PTPN14: variants seen among roughly 807,000 people sequenced by gnomAD.
PTPN14 encodes tyrosine-protein phosphatase non-receptor type 14.
In PTPN14, 53 loss-of-function variants were observed where a neutral mutation model predicts 126.8. The observed-to-expected ratio is 0.42, with a 90% CI of 0.34 to 0.53. The LOEUF (loss-of-function observed/expected upper bound fraction) is 0.53, where lower values mean the gene tolerates loss of function less well. PTPN14 is among the 20% of genes least tolerant of loss of function. PTPN14 has a pLI of 0.08. For missense variants in PTPN14, 1,257 were observed against 1,552.9 expected (o/e 0.81, Z 3.20); for synonymous variants, 630 against 599.3 (o/e 1.05, Z -0.75).
At chr1:214,393,600 A>C (rs1159596952) in intron 10 of PTPN14, 95 bp downstream of exon 10, 3 of 1,007,834 alleles carry the variant, frequency 3.0e-6, no homozygotes, top group Non-Finnish European at 4.5e-6. Flanking sequence ...ACAAGGAAAA[A>C]GAGTGAATAG....
At chr1:214,418,932 T>G (rs189102456) in intron 3 of PTPN14, among the ~76,000 whole-genome samples, 1 of 152,332 alleles carries the variant, frequency 6.6e-6, no homozygotes, top group Admixed American at 6.5e-5. Flanking sequence ...GACCAGAGTT[T>G]CTGATTGTAG....
chr1:214,391,092 A>G (rs1205694282), intron 10 of PTPN14, 47 bp from the exon 11 acceptor site: 1 of 1,417,334 alleles, frequency 7.1e-7, no homozygotes, highest in Admixed American at 1.9e-5. Flanking sequence ...TTATTGATAT[A>G]AAAAGACCAG....
chr1:214,433,951 CAAAAAAAAAAAA>C (rs1158472144), intron 3 of PTPN14, among the ~76,000 whole-genome samples: 3 of 98,528 alleles, frequency 3.0e-5, no homozygotes, highest in South Asian at 3.0e-4. Context: ...CACACACACA[CAAAAAAAAAAAA>C]AAAAAAAAAC....
At chr1:214,366,689 T>C (rs1658087450) in intron 17 of PTPN14, among the ~76,000 whole-genome samples, 1 of 152,182 alleles carries the variant, frequency 6.6e-6, no homozygotes, top group Non-Finnish European at 1.5e-5. Flanking sequence ...AAAAGCATAA[T>C]ACATACATTT....
Position 214,384,275 on chromosome 1 carries a change from T to C in PTPN14, c.1580A>G (p.Lys527Arg). The change falls in exon 13 of 19, where the codon AAG becomes AGG. Residue 527 changes from lysine to arginine, a missense_variant. Physicochemically the swap from Lys to Arg is conservative, Grantham distance 26 (BLOSUM62 2). Transcript: ENST00000366956. The surrounding 1 kb of genome is among the most constrained non-coding windows in gnomAD (Gnocchi z 5.3). ...RNPKNNVVPSKPGASAISHTV... is the reference protein window; with the variant it reads ...RNPKNNVVPSRPGASAISHTV... Reference sequence around the variant, plus strand: ...GTGCGAGATGGCGCTTGCCCCCGGCTTGCTTGGTACCACATTATTCTTTGG... The same window carrying C: ...GTGCGAGATGGCGCTTGCCCCCGGCCTGCTTGGTACCACATTATTCTTTGG... The C allele has an allele frequency of 1.9e-6, 3 of 1,614,186 alleles. No individual in the cohort carries two copies. Among genetic ancestry groups the C allele is most frequent in the South Asian group, 2.2e-5 (2 of 91,080 alleles).
intron 1 of PTPN14, among the ~76,000 whole-genome samples, chr1:214,543,025 G>C (rs1212436954): frequency 1.3e-5 from 2 of 152,192 alleles, no homozygotes; most frequent in Non-Finnish European, 2.9e-5. Context: ...AAGTAGAACA[G>C]GCTGTCTTGG....
chr1:214,499,730 AT>A (rs1654633425), intron 1 of PTPN14, among the ~76,000 whole-genome samples: 1 of 152,160 alleles, frequency 6.6e-6, no homozygotes, highest in African/African-American at 2.4e-5. Context: ...AGGCTATCAA[AT>A]GAATGCTCCA....
In PTPN14 at chr1:214,390,687, A is replaced by G. The variant is rs61821381; in HGVS notation, c.987+301T>C. ...CTTCACACAACAACCAGAACAGATG[A>G]GCAAGGGAATGAAAACACACCATGG... On this transcript the variant is annotated intron_variant, in intron 11 of 18. Coordinates refer to ENST00000366956, the MANE Select transcript of PTPN14 (RefSeq NM_005401.5). 6.1e-3 allele frequency among the ~76,000 whole-genome samples: 935 copies of G among 152,314 alleles called. 7 individuals carry two copies. Among genetic ancestry groups the G allele is most frequent in the Non-Finnish European group, 9.4e-3 (640 of 68,024 alleles).
rs1214705617 is a variant in PTPN14, at chr1:214,354,628, G to A, written c.*3294C>T. ...TCAAATTCAGCCCCCATGATTCAGG[G>A]ACCACAGTAAACAAGGATGAATACC... On this transcript the variant is annotated 3_prime_UTR_variant, in exon 19 of 19. Coordinates refer to ENST00000366956, the MANE Select transcript of PTPN14 (RefSeq NM_005401.5). The A allele has an allele frequency of 6.6e-6, 1 of 152,200 alleles. No homozygotes were observed. The highest frequency in any genetic ancestry group is 2.4e-5 in the African/African-American group (1 of 41,430). 9.4% of individuals were successfully genotyped at this position (152,200 alleles called of 1,614,324 possible).
intron 1 of PTPN14, among the ~76,000 whole-genome samples, chr1:214,508,149 TTAAAA>T (rs1158414324): frequency 6.6e-6 from 1 of 152,220 alleles, no homozygotes; most frequent in African/African-American, 2.4e-5. Flanking sequence ...TGGCCATTTC[TTAAAA>T]TAAAGACAAT....
intron 16 of PTPN14, among the ~76,000 whole-genome samples, chr1:214,369,952 C>T (rs1320011560): frequency 6.6e-6 from 1 of 152,170 alleles, no homozygotes; most frequent in Non-Finnish European, 1.5e-5. Flanking sequence ...AGTGCAAGTG[C>T]AGTCTAGAAG....
At position 214,398,004 on chromosome 1, in the gene PTPN14, G is replaced by T; in HGVS notation, c.670-3C>A. 1 of 1,602,128 alleles carries T rather than the reference G, an allele frequency of 6.2e-7. No individual in the cohort carries two copies. The highest frequency in any genetic ancestry group is 1.1e-5 in the South Asian group (1 of 90,270). ...TGTACACAGTTTCCATGATTGTCCTGGGTAAGACCAACAAAAGATACTTGT... is the reference window on the plus strand; with the variant it reads ...TGTACACAGTTTCCATGATTGTCCTTGGTAAGACCAACAAAAGATACTTGT... On this transcript the variant is annotated splice_region_variant and splice_polypyrimidine_tract_variant and intron_variant, in intron 7 of 18. Coordinates refer to ENST00000366956, the MANE Select transcript of PTPN14 (RefSeq NM_005401.5).
At chr1:214,427,966 G>A (rs752038768) in intron 3 of PTPN14, among the ~76,000 whole-genome samples, 5 of 152,186 alleles carry the variant, frequency 3.3e-5, no homozygotes, top group Non-Finnish European at 7.3e-5. Flanking sequence ...GACAGAAAAG[G>A]CAGGAAGTGG....
chr1:214,434,533 C>T (rs1659869255), intron 3 of PTPN14, among the ~76,000 whole-genome samples: 1 of 151,656 alleles, frequency 6.6e-6, no homozygotes, highest in Non-Finnish European at 1.5e-5. Flanking sequence ...AAAGAAAAGG[C>T]ATCCAATGGT....
In PTPN14 at chr1:214,414,670, G is replaced by A; in HGVS notation, c.401C>T (p.Thr134Ile). The stretch of plus-strand genomic sequence containing the variant: ...GGCTAGCCGAATCACCTGGTCCAAT[G>A]TACATCGTAATCGCCCTTCAAGCAC... ...KDVLEGRLRC[T>I]LDQVIRLAGL... is the part of the protein sequence containing the mutation. Residue 134 changes from threonine to isoleucine, a missense_variant, in exon 4 of 19, where the codon ACA becomes ATA. Transcript: ENST00000366956. 1 of 1,614,074 alleles carries A rather than the reference G, an allele frequency of 6.2e-7. No individual in the cohort carries two copies.
chr1:214,472,915 T>G (rs180826189), intron 1 of PTPN14, among the ~76,000 whole-genome samples: 1 of 152,354 alleles, frequency 6.6e-6, no homozygotes, highest in East Asian at 1.9e-4. Flanking sequence ...TGTTGTAGTG[T>G]GCCCATGCTT....
intron 5 of PTPN14, among the ~76,000 whole-genome samples, chr1:214,409,636 C>G (rs899240178): frequency 5.9e-5 from 9 of 152,110 alleles, no homozygotes; most frequent in Non-Finnish European, 1.2e-4. Flanking sequence ...TTCAAGGAAC[C>G]TCTACACTGT....
At chr1:214,361,191 C>T (rs1313737824) in intron 18 of PTPN14, among the ~76,000 whole-genome samples, 2 of 152,206 alleles carry the variant, frequency 1.3e-5, no homozygotes, top group Non-Finnish European at 2.9e-5. Context: ...CAGGACTTAG[C>T]TCACAGTGTC....
chr1:214,369,627 G>GTGGCTGAGCTGTGCTTTGAACCTAGTT lies in PTPN14; in HGVS notation c.3074_3100dup (p.Lys1025_Ala1033dup). ...CGTGGTGACCTTGAACTTGCCATAG[G>GTGGCTGAGCTGTGCTTTGAACCTAGTT]TGGCTGAGCTGTGCTTTGAACCTAG... On this transcript the variant is annotated inframe_insertion, in exon 17 of 19. Transcript: ENST00000366956. 1 of 1,614,194 alleles carries GTGGCTGAGCTGTGCTTTGAACCTAGTT rather than the reference G, an allele frequency of 6.2e-7. No individual in the cohort carries two copies. The highest frequency in any genetic ancestry group is 8.5e-7 in the Non-Finnish European group (1 of 1,180,034).
Sources: allele counts gnomAD v4.1 joint callset (sites outside exome capture counted in the v4.1 genomes callset), GRCh38; gene constraint gnomAD v4.1.1; non-coding constraint Gnocchi (gnomAD v3.1); transcripts MANE v1.5; gene names NCBI Gene and HGNC (gene_info 2026-07-23, HGNC 2026-07-21).